The following PIAS2 variants were observed in gnomAD, a reference collection of about 807,000 sequenced individuals.
The protein encoded by PIAS2 is protein inhibitor of activated STAT 2, also known as E3 SUMO-protein ligase PIAS2.
A neutral mutation model predicts 69.7 loss-of-function variants in PIAS2; 19 were observed. That is an observed-to-expected ratio of 0.27 (90% CI 0.19 to 0.40). PIAS2 has a LOEUF of 0.40. Ranked by LOEUF, PIAS2 falls within the 10% of genes least tolerant of loss-of-function variation. The probability of loss-of-function intolerance (pLI) is 1.00; values close to 1 mark genes in which losing one functional copy is unlikely to be tolerated. For missense variants in PIAS2, 624 were observed against 757.0 expected (o/e 0.82, Z 2.06); for synonymous variants, 261 against 263.2 (o/e 0.99, Z 0.08).
intron 8 of PIAS2, among the ~76,000 whole-genome samples, chr18:46,839,929 G>T (rs537739335): frequency 6.6e-6 from 1 of 151,188 alleles, no homozygotes; most frequent in Non-Finnish European, 1.5e-5. Flanking sequence ...TTGGGAAGCC[G>T]AGGCGGGGGA....
chr18:46,819,294 TGTC>T (rs946209525), intron 12 of PIAS2, among the ~76,000 whole-genome samples: 1 of 152,168 alleles, frequency 6.6e-6, no homozygotes, highest in African/African-American at 2.4e-5. Context: ...TTTCCATCTT[TGTC>T]ACCGACATGA....
In PIAS2 at chr18:46,811,747, G is replaced by C. The variant is rs1180297401; in HGVS notation, c.*686C>G. On this transcript the variant is annotated 3_prime_UTR_variant, in exon 14 of 14. Coordinates refer to ENST00000585916, the MANE Select transcript of PIAS2 (RefSeq NM_004671.5). ...TAAACATAATCACCAATGAAGAGTAGCCAAATCCCAGAACTTCACACAGCA... is the reference window on the plus strand; with the variant it reads ...TAAACATAATCACCAATGAAGAGTACCCAAATCCCAGAACTTCACACAGCA... 6.6e-6 allele frequency: 1 copy of C among 152,186 alleles called. No homozygotes were observed. Among genetic ancestry groups the C allele is most frequent in the Non-Finnish European group, 1.5e-5 (1 of 68,032 alleles). The allele number at this position is 152,186 out of a possible 1,614,324, so 9.4% of individuals were successfully genotyped here.
Position 46,890,629 on chromosome 18 carries a change from AT to A in PIAS2, c.449del (p.Asn150IlefsTer17). On this transcript the variant is annotated frameshift_variant, in exon 2 of 14. Coordinates refer to ENST00000585916, the MANE Select transcript of PIAS2 (RefSeq NM_004671.5). LOFTEE classifies it high-confidence loss of function. ...CATCAAGGACATCATAAAAGGGCAG[AT>A]TTTTTAACTGCACATCAGGATGGAC... ...PPVHPDVQLKNLPFYDVLDVL... is the reference protein window; with the variant it reads ...PPVHPDVQLKXLPFYDVLDVL... 1 of 1,614,136 alleles carries A rather than the reference AT, an allele frequency of 6.2e-7. No homozygotes were observed.
At chr18:46,865,522 CAAAAAAA>C (rs11321908) in intron 2 of PIAS2, among the ~76,000 whole-genome samples, 1 of 108,258 alleles carries the variant, frequency 9.2e-6, no homozygotes, top group Non-Finnish European at 2.0e-5. Flanking sequence ...CGATAGTCTT[CAAAAAAA>C]AAAAAAAAAA....
At chr18:46,857,365 C>A (rs1350894833) in intron 3 of PIAS2, among the ~76,000 whole-genome samples, 2 of 152,162 alleles carry the variant, frequency 1.3e-5, no homozygotes, top group South Asian at 4.1e-4. Flanking sequence ...GTAAGTGGTA[C>A]AGTACATTAT....
chr18:46,859,920 T>C (rs1599853384), intron 3 of PIAS2, among the ~76,000 whole-genome samples: 2 of 152,180 alleles, frequency 1.3e-5, no homozygotes, highest in East Asian at 3.9e-4. Context: ...AAGAAGTCAG[T>C]GTGAGGAACT....
At chr18:46,832,301 GCT>G (rs2043752387) in intron 9 of PIAS2, among the ~76,000 whole-genome samples, 1 of 152,050 alleles carries the variant, frequency 6.6e-6, no homozygotes, top group Non-Finnish European at 1.5e-5. Context: ...TGTAGTCCCA[GCT>G]ACTTGGGAGG....
chr18:46,829,985 T>C, intron 9 of PIAS2, 118 bp from the exon 10 acceptor site: 1 of 815,982 alleles, frequency 1.2e-6, no homozygotes, highest in Non-Finnish European at 1.9e-6. Flanking sequence ...CCCTTTTCTT[T>C]TGGTATTGCA....
chr18:46,887,451 GAAAGA>G (rs925702473), intron 2 of PIAS2, among the ~76,000 whole-genome samples: 1 of 152,086 alleles, frequency 6.6e-6, no homozygotes, highest in Non-Finnish European at 1.5e-5. Flanking sequence ...GTTTTCCCAA[GAAAGA>G]AAAGAAAGCA....
At chr18:46,817,396 TATTTA>T (rs898646343) in intron 12 of PIAS2, 1 of 964,404 alleles carries the variant, frequency 1.0e-6, no homozygotes, top group African/African-American at 1.8e-5. Flanking sequence ...ATATCAAGCC[TATTTA>T]TTTTAATTGA....
intron 1 of PIAS2, among the ~76,000 whole-genome samples, chr18:46,895,764 G>C (rs892491925): frequency 1.3e-5 from 2 of 152,106 alleles, no homozygotes; most frequent in Non-Finnish European, 2.9e-5. Flanking sequence ...GAGTGACCAA[G>C]CTAATGCCAT....
In PIAS2 at chr18:46,887,405, T is replaced by G. The variant is rs4890341; in HGVS notation, c.499+3175A>C. ...AGACAGGTAAAAAAGCACACTGATA[T>G]GTTTAAGTGTTTTCACATGACTGAA... On this transcript the variant is annotated intron_variant, in intron 2 of 13. Transcript: ENST00000585916. 9.3e-3 allele frequency among the ~76,000 whole-genome samples: 1,410 copies of G among 152,084 alleles called. 8 individuals are homozygous for G. Among genetic ancestry groups the G allele is most frequent in the Middle Eastern group, 0.014 (4 of 294 alleles).
chr18:46,836,529 GAAACACAAGGA>G lies in PIAS2; in HGVS notation c.1042-23_1042-13del. The G allele has an allele frequency of 6.3e-7, 1 of 1,596,698 alleles. No homozygotes were observed. The highest frequency in any genetic ancestry group is 8.6e-7 in the Non-Finnish European group (1 of 1,168,332). ...CTCATTTTTCCTAACTACAGGACAG[GAAACACAAGGA>G]AAACTATTTCAGAAAGGAGAATGAG... On this transcript the variant is annotated splice_polypyrimidine_tract_variant and intron_variant, in intron 8 of 13. Transcript: ENST00000585916.
intron 1 of PIAS2, among the ~76,000 whole-genome samples, chr18:46,913,144 A>G (rs1348258890): frequency 6.6e-6 from 1 of 152,168 alleles, no homozygotes; most frequent in African/African-American, 2.4e-5. Flanking sequence ...TCCCTGCCCA[A>G]TAAATGGGGA....
intron 1 of PIAS2, among the ~76,000 whole-genome samples, chr18:46,911,249 T>C (rs2057231487): frequency 6.6e-6 from 1 of 151,666 alleles, no homozygotes; most frequent in Non-Finnish European, 1.5e-5. Flanking sequence ...GAAGCCTTGC[T>C]TTGTCACCCA....
intron 1 of PIAS2, among the ~76,000 whole-genome samples, chr18:46,916,403 T>TA (rs34185543): frequency 0.31 from 45,129 of 146,858 alleles, 6,828 homozygotes; most frequent in African/African-American, 0.38. Flanking sequence ...TTGATACATT[T>TA]AAAAAAAAAA....
rs1389842551 is a variant in PIAS2, at chr18:46,809,073, T to C, written c.*3360A>G. The stretch of plus-strand genomic sequence containing the variant: ...AGAACAGTCTCTGGTCAATCCTACT[T>C]TGCTTAAAATCCAACATTTTACCTT... On this transcript the variant is annotated 3_prime_UTR_variant, in exon 14 of 14. Transcript: ENST00000585916. 1 of 152,192 alleles carries C rather than the reference T, an allele frequency of 6.6e-6. No individual in the cohort carries two copies. The highest frequency in any genetic ancestry group is 1.5e-5 in the Non-Finnish European group (1 of 68,036). The allele number at this position is 152,192 out of a possible 1,614,324, so 9.4% of individuals were successfully genotyped here.
At chr18:46,845,311 CCA>C (rs1288704641) in intron 6 of PIAS2, among the ~76,000 whole-genome samples, 1 of 152,166 alleles carries the variant, frequency 6.6e-6, no homozygotes, top group Non-Finnish European at 1.5e-5. Context: ...CACTGCAAAT[CCA>C]GAGTTCCAAA....
intron 2 of PIAS2, among the ~76,000 whole-genome samples, chr18:46,877,363 G>A (rs2051384666): frequency 6.6e-6 from 1 of 152,140 alleles, no homozygotes; most frequent in Admixed American, 6.5e-5. Flanking sequence ...TTGTTCTCGA[G>A]ATCAACTTCC....
Sources: allele counts gnomAD v4.1 joint callset (sites outside exome capture counted in the v4.1 genomes callset), GRCh38; gene constraint gnomAD v4.1.1; transcripts MANE v1.5; gene names NCBI Gene and HGNC (gene_info 2026-07-23, HGNC 2026-07-21).